Variants in CXCL13 observed in about 807,000 individuals in gnomAD.
CXCL13 encodes the protein C-X-C motif chemokine 13.
Under a neutral mutation model 12.2 loss-of-function variants are expected in CXCL13, and 7 were observed. The ratio of observed to expected loss-of-function variants is 0.57; its 90% confidence interval spans 0.33 to 1.07. CXCL13 has a LOEUF of 1.07. Ranked by LOEUF, CXCL13 falls within the 50% of genes least tolerant of loss-of-function variation. The pLI is 0.04. For synonymous variants in CXCL13, 47 were observed against 42.4 expected (o/e 1.11, Z -0.42); for missense variants, 113 against 127.4 (o/e 0.89, Z 0.55).
chr4:77,589,706 G>A (rs1560534811), intron 1 of CXCL13, among the ~76,000 whole-genome samples: 2 of 152,158 alleles, frequency 1.3e-5, no homozygotes, highest in African/African-American at 4.8e-5. Flanking sequence ...AACACCAAGT[G>A]CTTGACACAG....
At chr4:77,524,430 C>T (rs896278162) in intron 1 of CXCL13, among the ~76,000 whole-genome samples, 1 of 152,220 alleles carries the variant, frequency 6.6e-6, no homozygotes, top group African/African-American at 2.4e-5. Context: ...ACTCAAGCCT[C>T]AGCAATGGCA....
chr4:77,513,603 C>A (rs977426875), intron 1 of CXCL13, among the ~76,000 whole-genome samples: 1 of 152,098 alleles, frequency 6.6e-6, no homozygotes, highest in African/African-American at 2.4e-5. Context: ...AGGTGCCCAC[C>A]ACCAGGCCAA....
At chr4:77,539,097 C>A (rs576412312) in intron 1 of CXCL13, among the ~76,000 whole-genome samples, 1 of 148,234 alleles carries the variant, frequency 6.7e-6, no homozygotes, top group East Asian at 2.0e-4. Context: ...TGGAGTCTAG[C>A]TCTGTCGCCC....
At chr4:77,604,730 C>T (rs1055983011), upstream of CXCL13, among the ~76,000 whole-genome samples, 5 of 152,144 alleles carry the variant, frequency 3.3e-5, no homozygotes, top group African/African-American at 1.2e-4. Flanking sequence ...CACTCCTCCA[C>T]TTCTACCCCC....
chr4:77,537,065 A>G (rs1345002372), intron 1 of CXCL13, among the ~76,000 whole-genome samples: 2 of 152,226 alleles, frequency 1.3e-5, no homozygotes, highest in Non-Finnish European at 2.9e-5. Flanking sequence ...ATTAGTAGCA[A>G]TGACATTCAA....
intron 1 of CXCL13, among the ~76,000 whole-genome samples, chr4:77,518,946 A>G (rs957062292): frequency 6.6e-6 from 1 of 152,054 alleles, no homozygotes; most frequent in Admixed American, 6.5e-5. Flanking sequence ...GACTTTGATG[A>G]TGGTGATGTA....
At chr4:77,512,400 T>C (rs1724298191) in intron 1 of CXCL13, among the ~76,000 whole-genome samples, 1 of 152,236 alleles carries the variant, frequency 6.6e-6, no homozygotes, top group Non-Finnish European at 1.5e-5. Flanking sequence ...CATAGCACAG[T>C]AACACATACT....
intron 1 of CXCL13, among the ~76,000 whole-genome samples, chr4:77,538,687 A>G (rs1189850594): frequency 6.6e-6 from 1 of 152,156 alleles, no homozygotes; most frequent in Non-Finnish European, 1.5e-5. Context: ...ATACCCAAGG[A>G]GAGCATTAAT....
At chr4:77,523,487 T>C (rs1428371294) in intron 1 of CXCL13, among the ~76,000 whole-genome samples, 1 of 152,200 alleles carries the variant, frequency 6.6e-6, no homozygotes, top group East Asian at 1.9e-4. Context: ...TACTCTTTCT[T>C]CCACTTGATC....
At chr4:77,603,172 C>G (rs574502953), upstream of CXCL13, among the ~76,000 whole-genome samples, 1 of 152,016 alleles carries the variant, frequency 6.6e-6, no homozygotes, top group Non-Finnish European at 1.5e-5. Context: ...TTTTTTTGCT[C>G]TCACAAGAAA....
At chr4:77,552,796 G>T (rs1725566091) in intron 1 of CXCL13, among the ~76,000 whole-genome samples, 3 of 152,252 alleles carry the variant, frequency 2.0e-5, no homozygotes, top group Admixed American at 2.0e-4. Flanking sequence ...AGTGCATGCT[G>T]CAGGTGCCTG....
At chr4:77,545,763 G>A (rs1725346621) in intron 1 of CXCL13, among the ~76,000 whole-genome samples, 1 of 152,096 alleles carries the variant, frequency 6.6e-6, no homozygotes, top group Non-Finnish European at 1.5e-5. Context: ...TGATTGCCCT[G>A]GCCAGAACTT....
At chr4:77,584,266 C>G (rs1726401501) in intron 1 of CXCL13, among the ~76,000 whole-genome samples, 1 of 152,208 alleles carries the variant, frequency 6.6e-6, no homozygotes, top group African/African-American at 2.4e-5. Context: ...ACCTTCCCAA[C>G]TCCTCTCACA....
intron 1 of CXCL13, among the ~76,000 whole-genome samples, chr4:77,570,760 G>T (rs530749377): frequency 2.6e-5 from 4 of 152,108 alleles, no homozygotes; most frequent in East Asian, 3.9e-4. Flanking sequence ...TAGTCAGAGC[G>T]GTCGGCCGGC....
At chr4:77,607,244 T>A (rs1331472834) in intron 1 of CXCL13, among the ~76,000 whole-genome samples, 1 of 152,254 alleles carries the variant, frequency 6.6e-6, no homozygotes, top group African/African-American at 2.4e-5. Context: ...GAGGCTGTTC[T>A]CAAATTTTAT....
chr4:77,552,513 G>T (rs1040881629), intron 1 of CXCL13, among the ~76,000 whole-genome samples: 2 of 152,238 alleles, frequency 1.3e-5, no homozygotes, highest in Non-Finnish European at 2.9e-5. Flanking sequence ...GCTCTCTGTT[G>T]CCTCAGGAAA....
chr4:77,550,425 C>T (rs557112244), intron 1 of CXCL13, among the ~76,000 whole-genome samples: 12 of 152,338 alleles, frequency 7.9e-5, no homozygotes, highest in African/African-American at 2.6e-4. Context: ...TTCTGCATCA[C>T]TCCTGCTGGG....
chr4:77,547,531 T>C (rs1165485237), intron 1 of CXCL13, among the ~76,000 whole-genome samples: 1 of 152,218 alleles, frequency 6.6e-6, no homozygotes, highest in Non-Finnish European at 1.5e-5. Context: ...TAAAGTCTGT[T>C]TTATCAGAGA....
chr4:77,579,017 G>T (rs2109823088), intron 1 of CXCL13, among the ~76,000 whole-genome samples: 1 of 152,300 alleles, frequency 6.6e-6, no homozygotes, highest in South Asian at 2.1e-4. Context: ...CTTTGATCCT[G>T]CCCCAGCAAA....
Sources: allele counts gnomAD v4.1 joint callset (sites outside exome capture counted in the v4.1 genomes callset), GRCh38; gene constraint gnomAD v4.1.1; transcripts MANE v1.5; gene names NCBI Gene and HGNC (gene_info 2026-07-23, HGNC 2026-07-21).